NKAIN3: variants seen among roughly 807,000 people sequenced by gnomAD.
The protein encoded by NKAIN3 is sodium/potassium transporting ATPase interacting 3, also known as sodium/potassium-transporting ATPase subunit beta-1-interacting protein 3.
NKAIN3 carries 25 observed loss-of-function variants against 30.2 expected under a neutral mutation model. That is an observed-to-expected ratio of 0.83 (90% CI 0.60 to 1.16). NKAIN3 has a LOEUF of 1.16. NKAIN3 is among the 50% of genes most tolerant of loss of function. The pLI, the probability that NKAIN3 is intolerant of heterozygous loss-of-function variation, is 0.00. For synonymous variants in NKAIN3, 91 were observed against 89.6 expected, an observed-to-expected ratio of 1.02 and a Z score of -0.09; for missense variants, 225 against 254.1, an observed-to-expected ratio of 0.89 and a Z score of 0.78.
At chr8:62,667,347 T>G (rs996139159) in intron 3 of NKAIN3, among the ~76,000 whole-genome samples, 6 of 80,654 alleles carry the variant, frequency 7.4e-5, no homozygotes, top group African/African-American at 2.6e-4. Context: ...TATATATTCT[T>G]TATATATATA....
intron 3 of NKAIN3, among the ~76,000 whole-genome samples, chr8:62,634,649 G>A (rs1440860719): frequency 1.3e-5 from 2 of 152,192 alleles, no homozygotes; most frequent in Non-Finnish European, 1.5e-5. Context: ...GTGGGCCCTG[G>A]TGGGGCTCTG....
intron 1 of NKAIN3, among the ~76,000 whole-genome samples, chr8:62,321,024 G>T (rs1008309919): frequency 2.0e-5 from 3 of 152,092 alleles, no homozygotes; most frequent in Non-Finnish European, 4.4e-5. Context: ...TAGAGGCTTT[G>T]TTCATTTCTT....
chr8:62,785,400 C>T (rs4739007), intron 4 of NKAIN3, among the ~76,000 whole-genome samples: 14 of 152,048 alleles, frequency 9.2e-5, no homozygotes, highest in Non-Finnish European at 1.5e-4. Flanking sequence ...GTAGATCAGT[C>T]GTCACTTACA....
At chr8:62,306,051 G>C (rs7015480) in intron 1 of NKAIN3, among the ~76,000 whole-genome samples, 88,185 of 149,976 alleles carry the variant, frequency 0.59, 27,146 homozygotes, top group Non-Finnish European at 0.63. Flanking sequence ...AGGAATTTTT[G>C]TCTATAATAA....
intron 1 of NKAIN3, among the ~76,000 whole-genome samples, chr8:62,408,926 T>G (rs1466023907): frequency 6.6e-6 from 1 of 152,170 alleles, no homozygotes; most frequent in Non-Finnish European, 1.5e-5. Context: ...AGATGTAGTG[T>G]TTATTTTGAG....
chr8:62,981,720 C>A lies in NKAIN3; in HGVS notation c.*16313C>A, dbSNP rs548060011. ...TGACAAGAACTCTGCTGTGTGGCAA[C>A]CTTATGTATCCACAACAGAACTAAG... is the stretch of plus-strand genomic sequence containing the variant. On this transcript the variant is annotated 3_prime_UTR_variant, in exon 7 of 7. Coordinates refer to ENST00000623646, the MANE Select transcript of NKAIN3 (RefSeq NM_001304533.3). 9.4e-5 allele frequency: 14 copies of A among 149,150 alleles called. No individual in the cohort carries two copies. The highest frequency in any genetic ancestry group is 3.2e-4 in the African/African-American group (13 of 40,468). 9.2% of individuals were successfully genotyped at this position (149,150 alleles called of 1,614,324 possible). A position where few individuals can be genotyped will look rare whatever the true frequency, so the allele number is the denominator to read the frequency against.
chr8:62,696,115 CTG>C (rs1351269594), intron 3 of NKAIN3, among the ~76,000 whole-genome samples: 7 of 152,166 alleles, frequency 4.6e-5, no homozygotes, highest in South Asian at 4.1e-4. Flanking sequence ...TTAATGGCCT[CTG>C]TTAATTTTCA....
chr8:62,857,910 AG>A (rs1820109848), intron 4 of NKAIN3, among the ~76,000 whole-genome samples: 1 of 152,200 alleles, frequency 6.6e-6, no homozygotes, highest in African/African-American at 2.4e-5. Flanking sequence ...TTTAGAAGAA[AG>A]GGGGCACTCT....
chr8:62,339,044 A>G (rs1201603592), intron 1 of NKAIN3, among the ~76,000 whole-genome samples: 1 of 152,012 alleles, frequency 6.6e-6, no homozygotes, highest in East Asian at 1.9e-4. Flanking sequence ...TGCTCTGAGT[A>G]GTTGGCATTA....
chr8:62,853,975 G>A (rs772356674), intron 4 of NKAIN3, among the ~76,000 whole-genome samples: 8 of 152,162 alleles, frequency 5.3e-5, no homozygotes, highest in Non-Finnish European at 1.2e-4. Flanking sequence ...TCATCCAGAA[G>A]CAGGTTGTTC....
chr8:62,410,445 A>G (rs1164978942), intron 1 of NKAIN3, among the ~76,000 whole-genome samples: 1 of 152,162 alleles, frequency 6.6e-6, no homozygotes, highest in African/African-American at 2.4e-5. Context: ...TTTTTGGTAT[A>G]ATGATCTATT....
At chr8:62,421,692 A>C (rs1259591519) in intron 1 of NKAIN3, among the ~76,000 whole-genome samples, 2 of 151,986 alleles carry the variant, frequency 1.3e-5, no homozygotes, top group East Asian at 3.9e-4. Flanking sequence ...TCCCCACAGG[A>C]AACCAGGCTG....
At chr8:62,285,494 C>T (rs1813351860) in intron 1 of NKAIN3, among the ~76,000 whole-genome samples, 1 of 152,114 alleles carries the variant, frequency 6.6e-6, no homozygotes, top group Admixed American at 6.6e-5. Context: ...TGTGGAGGAA[C>T]TCTTTAGAGA....
intron 3 of NKAIN3, among the ~76,000 whole-genome samples, chr8:62,722,270 T>C (rs564987097): frequency 6.6e-6 from 1 of 152,324 alleles, no homozygotes; most frequent in Admixed American, 6.5e-5. Flanking sequence ...TTCAAGTTGT[T>C]GAGATTAATC....
intron 1 of NKAIN3, among the ~76,000 whole-genome samples, chr8:62,376,145 G>C (rs1384711547): frequency 6.6e-6 from 1 of 152,204 alleles, no homozygotes; most frequent in Non-Finnish European, 1.5e-5. Flanking sequence ...CTACCACAGA[G>C]AGTTCCCCCA....
intron 1 of NKAIN3, among the ~76,000 whole-genome samples, chr8:62,479,437 T>A (rs965359077): frequency 3.3e-5 from 5 of 152,138 alleles, no homozygotes; most frequent in Non-Finnish European, 7.4e-5. Flanking sequence ...AAGCCTGAAT[T>A]TGAACCCAGA....
chr8:62,836,512 A>G (rs1383487867), intron 4 of NKAIN3, among the ~76,000 whole-genome samples: 1 of 152,082 alleles, frequency 6.6e-6, no homozygotes, highest in Non-Finnish European at 1.5e-5. Flanking sequence ...CAAATTTCAG[A>G]ACTTTTAAAA....
chr8:62,864,180 CGGG>C, intron 4 of NKAIN3: 1 of 642,914 alleles, frequency 1.6e-6, no homozygotes, highest in East Asian at 2.7e-5. Flanking sequence ...CTCAACCGAC[CGGG>C]AGGAGGCTCT....
chr8:62,609,638 A>G (rs922398626), intron 3 of NKAIN3, among the ~76,000 whole-genome samples: 10 of 152,274 alleles, frequency 6.6e-5, no homozygotes, highest in African/African-American at 2.4e-4. Context: ...TGCTTGTTGT[A>G]TTAAGTGCTA....
Sources: gnomAD v4.1 joint callset for allele counts (sites outside exome capture counted in the v4.1 genomes callset) on GRCh38, gnomAD v4.1.1 for gene constraint, MANE v1.5 for transcripts, NCBI Gene and HGNC (gene_info 2026-07-23, HGNC 2026-07-21) for gene names.